The following ZNF423 variants were observed in gnomAD, a reference collection of about 807,000 sequenced individuals.
ZNF423 encodes Ebf-associated zinc finger protein.
ZNF423 carries 12 observed loss-of-function variants against 95.8 expected under a neutral mutation model. That is an observed-to-expected ratio of 0.13 (90% CI 0.08 to 0.20). The LOEUF (loss-of-function observed/expected upper bound fraction) is 0.20, where lower values mean the gene tolerates loss of function less well. Ranked by LOEUF, ZNF423 falls within the 10% of genes least tolerant of loss-of-function variation. ZNF423 has a pLI of 1.00. For synonymous variants in ZNF423, 749 were observed against 711.9 expected, an observed-to-expected ratio of 1.05 and a Z score of -0.83; for missense variants, 1,316 against 1,737.1, an observed-to-expected ratio of 0.76 and a Z score of 4.31.
intron 3 of ZNF423, among the ~76,000 whole-genome samples, chr16:49,701,594 G>A (rs948269557): frequency 6.6e-6 from 1 of 152,180 alleles, no homozygotes; most frequent in Non-Finnish European, 1.5e-5. Flanking sequence ...GGAGACCCAG[G>A]AGAGGGGCAC....
intron 5 of ZNF423, among the ~76,000 whole-genome samples, chr16:49,558,659 C>T (rs563341020): frequency 2.0e-5 from 3 of 152,324 alleles, no homozygotes; most frequent in African/African-American, 4.8e-5. Flanking sequence ...CCCACACACA[C>T]GCACACACTT....
chr16:49,624,836 G>C (rs899065663), intron 5 of ZNF423, among the ~76,000 whole-genome samples: 4 of 152,202 alleles, frequency 2.6e-5, no homozygotes, highest in Non-Finnish European at 4.4e-5. Flanking sequence ...GTGATGACCT[G>C]TTGGTGGTAA....
intron 3 of ZNF423, among the ~76,000 whole-genome samples, chr16:49,728,146 C>T (rs1221883318): frequency 1.3e-5 from 2 of 152,100 alleles, no homozygotes; most frequent in Non-Finnish European, 2.9e-5. Flanking sequence ...GAACACAGTT[C>T]GAAAACCACT....
chr16:49,859,178 T>C (rs1235958929), upstream of ZNF423, among the ~76,000 whole-genome samples: 1 of 151,978 alleles, frequency 6.6e-6, no homozygotes, highest in African/African-American at 2.4e-5. Flanking sequence ...GGCTGCCCTT[T>C]TCCACCCCTA....
At chr16:49,795,790 T>TGGAC (rs2034490551) in intron 1 of ZNF423, among the ~76,000 whole-genome samples, 1 of 152,230 alleles carries the variant, frequency 6.6e-6, no homozygotes. Flanking sequence ...CAGCAGCCTC[T>TGGAC]GGACAAGGGC....
At chr16:49,682,731 C>A (rs2031414807) in intron 3 of ZNF423, among the ~76,000 whole-genome samples, 1 of 152,218 alleles carries the variant, frequency 6.6e-6, no homozygotes, top group African/African-American at 2.4e-5. Context: ...GACTGTGTGG[C>A]CTTGGGCAAA....
intron 1 of ZNF423, among the ~76,000 whole-genome samples, chr16:49,839,013 C>A (rs2144086024): frequency 6.6e-6 from 1 of 151,538 alleles, no homozygotes. Flanking sequence ...GGGAAGAGCC[C>A]CGAGGCCCCC....
chr16:49,597,066 G>T (rs2151825325), intron 5 of ZNF423, among the ~76,000 whole-genome samples: 1 of 152,352 alleles, frequency 6.6e-6, no homozygotes, highest in South Asian at 2.1e-4. Context: ...CTGAAGGTCA[G>T]CCCTGGAGCA....
Position 49,715,048 on chromosome 16 carries a change from C to A in ZNF423, c.301+15723G>T, listed in dbSNP as rs544996027. ...TCCAAGGGAACAACTTAGCACCACC[C>A]AGGCCACTTCCAACAAATCACTGAG... On this transcript the variant is annotated intron_variant, in intron 3 of 7. Transcript: ENST00000563137. 9.9e-5 allele frequency among the ~76,000 whole-genome samples: 15 copies of A among 152,270 alleles called. No homozygotes were observed. In the South Asian group the frequency reaches 3.1e-3, roughly 32 times the overall value.
intron 2 of ZNF423, among the ~76,000 whole-genome samples, 179 bp downstream of exon 2, chr16:49,789,308 T>C (rs2034370590): frequency 6.6e-6 from 1 of 152,170 alleles, no homozygotes; most frequent in Admixed American, 6.5e-5. Context: ...CCGTATGTAA[T>C]AGATTTTATT....
chr16:49,705,769 A>AACTT (rs140757659), intron 3 of ZNF423, among the ~76,000 whole-genome samples: 4,383 of 152,224 alleles, frequency 0.029, 226 homozygotes, highest in African/African-American at 0.1. Context: ...GCTGGTCTTG[A>AACTT]ACTCCTGACC....
intron 5 of ZNF423, among the ~76,000 whole-genome samples, chr16:49,565,728 A>G (rs1347761710): frequency 1.3e-5 from 2 of 152,200 alleles, no homozygotes; most frequent in African/African-American, 4.8e-5. Context: ...AGGAGTTGAA[A>G]TGCTTGCCAA....
rs1450519928 is a variant in ZNF423 at position 49,636,953 on chromosome 16, C to T, written c.2223G>A (p.Val741=). Residue 741 remains valine (V), a synonymous_variant, in exon 4 of 8, where the codon GTG becomes GTA. Coordinates refer to ENST00000563137, the MANE Select transcript of ZNF423 (RefSeq NM_001379286.1). The surrounding 1 kb of genome is among the most constrained non-coding windows in gnomAD (Gnocchi z 8.6). ...TLCQEVFDSK[V]SIQVHLAVKH... Reference sequence around the variant, plus strand: ...TCACCGCCAGGTGCACCTGGATGGACACCTTGGAGTCGAAGACCTCCTGAC... The same window carrying T: ...TCACCGCCAGGTGCACCTGGATGGATACCTTGGAGTCGAAGACCTCCTGAC... 7 of 1,613,784 alleles carry T rather than the reference C, an allele frequency of 4.3e-6. No homozygotes were observed. The highest frequency in any genetic ancestry group is 2.2e-5 in the East Asian group (1 of 44,884).
intron 7 of ZNF423, among the ~76,000 whole-genome samples, chr16:49,512,158 T>G (rs940506953): frequency 3.3e-5 from 5 of 152,250 alleles, no homozygotes; most frequent in African/African-American, 1.2e-4. Flanking sequence ...GCTTAGTCTA[T>G]GCCTCTGTTT....
At chr16:49,716,791 A>G (rs2032721000) in intron 3 of ZNF423, among the ~76,000 whole-genome samples, 1 of 152,072 alleles carries the variant, frequency 6.6e-6, no homozygotes, top group African/African-American at 2.4e-5. Context: ...GGTGCTGGGG[A>G]GGCTGTGACC....
intron 3 of ZNF423, among the ~76,000 whole-genome samples, chr16:49,649,869 T>C (rs138351724): frequency 1.3e-5 from 2 of 152,376 alleles, no homozygotes; most frequent in East Asian, 3.9e-4. Context: ...GACCAGAAGC[T>C]GACATGGCTC....
chr16:49,494,385 G>T (rs949030671), intron 7 of ZNF423, among the ~76,000 whole-genome samples: 1 of 152,174 alleles, frequency 6.6e-6, no homozygotes, highest in Non-Finnish European at 1.5e-5. Context: ...TGCCCCAAGG[G>T]GACCAGGCAC....
chr16:49,689,578 A>G (rs2031701437), intron 3 of ZNF423, among the ~76,000 whole-genome samples: 1 of 152,146 alleles, frequency 6.6e-6, no homozygotes, highest in Non-Finnish European at 1.5e-5. Context: ...GGGGTGTCAC[A>G]GTGTCTGTGA....
chr16:49,586,626 G>A (rs897015588), intron 5 of ZNF423, among the ~76,000 whole-genome samples: 2 of 152,238 alleles, frequency 1.3e-5, no homozygotes, highest in Admixed American at 6.5e-5. Flanking sequence ...CACGCTGGGC[G>A]ACCAGCTGTC....
Sources: gnomAD v4.1 joint callset for allele counts (sites outside exome capture counted in the v4.1 genomes callset) on GRCh38, gnomAD v4.1.1 for gene constraint, Gnocchi (gnomAD v3.1) non-coding constraint, MANE v1.5 for transcripts, NCBI Gene and HGNC (gene_info 2026-07-23, HGNC 2026-07-21) for gene names.